The following AOAH variants were observed in gnomAD, a reference collection of about 807,000 sequenced individuals.
The protein encoded by AOAH is acyloxyacyl hydrolase (neutrophil).
AOAH carries 64 observed loss-of-function variants against 92.2 expected under a neutral mutation model. That is an observed-to-expected ratio of 0.69 (90% CI 0.57 to 0.86). The LOEUF (loss-of-function observed/expected upper bound fraction) is 0.86, where lower values mean the gene tolerates loss of function less well. AOAH is among the 40% of genes least tolerant of loss of function. AOAH has a pLI of 0.00. For missense variants in AOAH, 656 were observed against 694.6 expected (o/e 0.94, Z 0.62); for synonymous variants, 263 against 254.5 (o/e 1.03, Z -0.32).
intron 1 of AOAH, among the ~76,000 whole-genome samples, chr7:36,689,834 G>T (rs945126864): frequency 6.6e-6 from 1 of 152,188 alleles, no homozygotes; most frequent in Non-Finnish European, 1.5e-5. Flanking sequence ...TAATAGACTT[G>T]ATGAGATGCA....
At chr7:36,721,160 C>T (rs1388248994) in intron 1 of AOAH, among the ~76,000 whole-genome samples, 3 of 152,164 alleles carry the variant, frequency 2.0e-5, no homozygotes, top group Non-Finnish European at 4.4e-5. Flanking sequence ...GAGTCCCTTG[C>T]CAGAACTGTC....
chr7:36,669,944 G>C (rs1034523114), intron 3 of AOAH, among the ~76,000 whole-genome samples: 5 of 152,202 alleles, frequency 3.3e-5, no homozygotes, highest in South Asian at 4.1e-4. Context: ...ATGGCGGTCT[G>C]AGACACACAG....
intron 15 of AOAH, among the ~76,000 whole-genome samples, chr7:36,547,114 G>C (rs1785858316): frequency 1.3e-5 from 2 of 152,182 alleles, no homozygotes; most frequent in African/African-American, 4.8e-5. Flanking sequence ...TTGCCTCTTA[G>C]GGCTGCTGGG....
At chr7:36,708,293 C>T (rs1435778825) in intron 1 of AOAH, among the ~76,000 whole-genome samples, 1 of 152,086 alleles carries the variant, frequency 6.6e-6, no homozygotes, top group Non-Finnish European at 1.5e-5. Context: ...TTTAGGTTCA[C>T]TGATTCTTTC....
At chr7:36,647,752 T>C (rs932380764) in intron 4 of AOAH, among the ~76,000 whole-genome samples, 2 of 151,986 alleles carry the variant, frequency 1.3e-5, no homozygotes, top group Non-Finnish European at 1.5e-5. Flanking sequence ...GGCAAGATCA[T>C]GTGAAATGCT....
At chr7:36,638,438 T>A (rs1793674279) in intron 4 of AOAH, among the ~76,000 whole-genome samples, 1 of 152,224 alleles carries the variant, frequency 6.6e-6, no homozygotes, top group South Asian at 2.1e-4. Context: ...GTTGGAGATC[T>A]CCTGTCCTCT....
intron 1 of AOAH, among the ~76,000 whole-genome samples, chr7:36,706,359 G>A (rs10276761): frequency 0.015 from 2,310 of 152,176 alleles, 29 homozygotes; most frequent in Non-Finnish European, 0.021. Context: ...TGAGCAGTAG[G>A]TCTCCACAGT....
chr7:36,576,817 T>C (rs2116638577), intron 12 of AOAH, among the ~76,000 whole-genome samples, 161 bp from the exon 13 acceptor site: 1 of 152,302 alleles, frequency 6.6e-6, no homozygotes, highest in Non-Finnish European at 1.5e-5. Flanking sequence ...AATGTAATAT[T>C]GGCAGTTGTT....
rs749148854 is a variant in AOAH at position 36,530,480 on chromosome 7, A to AT, written c.1459dup (p.Ile487AsnfsTer5). On this transcript the variant is annotated frameshift_variant, in exon 19 of 21. Transcript: ENST00000617537. LOFTEE classifies it high-confidence loss of function. ...GTTTGTAAATTTCTCACTGGCTGCA[A>AT]TTTTTTTCAGTGTGTTGGAGAGTTG... The AT allele has an allele frequency of 6.8e-5, 109 of 1,613,682 alleles. 1 individual carries two copies. Among genetic ancestry groups the AT allele is most frequent in the Non-Finnish European group, 9.3e-6 (11 of 1,179,728 alleles).
chr7:36,603,225 C>T (rs1051220418), intron 11 of AOAH, among the ~76,000 whole-genome samples: 4 of 152,046 alleles, frequency 2.6e-5, no homozygotes, highest in African/African-American at 9.7e-5. Context: ...CAATGTCATC[C>T]TCCACCACAA....
chr7:36,614,321 C>T lies in AOAH; in HGVS notation c.846+2059G>A, dbSNP rs868084764. ...TATTCCCTGTGCAGTGCATCAGACC[C>T]GGGCAGGGCTTTATGTGTGTGCAAC... On this transcript the variant is annotated intron_variant, in intron 11 of 20. Transcript: ENST00000617537. This position sits in a 1 kb window ranked among gnomAD's most constrained non-coding sequence, Gnocchi z 4.2. 6.6e-6 allele frequency among the ~76,000 whole-genome samples: 1 copy of T among 152,106 alleles called. No individual in the cohort carries two copies. Among genetic ancestry groups the T allele is most frequent in the Non-Finnish European group, 1.5e-5 (1 of 68,036 alleles).
At chr7:36,700,272 A>G (rs1239234770) in intron 1 of AOAH, among the ~76,000 whole-genome samples, 1 of 152,046 alleles carries the variant, frequency 6.6e-6, no homozygotes, top group Non-Finnish European at 1.5e-5. Flanking sequence ...TCGTGTAACC[A>G]TCACCCAAAT....
chr7:36,554,412 T>A (rs1786526288), intron 13 of AOAH, among the ~76,000 whole-genome samples: 1 of 152,214 alleles, frequency 6.6e-6, no homozygotes, highest in Non-Finnish European at 1.5e-5. Flanking sequence ...TGAAGTCAGG[T>A]AGCATGATGC....
intron 17 of AOAH, 31 bp downstream of exon 17, chr7:36,532,255 C>G (rs186914603): frequency 2.5e-6 from 4 of 1,614,080 alleles, no homozygotes; most frequent in Non-Finnish European, 2.5e-6. Flanking sequence ...GGTAGGTAAG[C>G]GGGCCTTGAA....
intron 1 of AOAH, among the ~76,000 whole-genome samples, chr7:36,700,013 G>A (rs1313062673): frequency 6.6e-6 from 1 of 152,036 alleles, no homozygotes; most frequent in East Asian, 1.9e-4. Flanking sequence ...TCTTATGCAC[G>A]TGGCTATCCA....
chr7:36,550,658 C>T (rs1461425905), intron 13 of AOAH, among the ~76,000 whole-genome samples: 1 of 152,206 alleles, frequency 6.6e-6, no homozygotes, highest in Non-Finnish European at 1.5e-5. Context: ...AGTGTACTGT[C>T]TTTTTGTCCC....
Position 36,522,128 on chromosome 7 carries a change from TA to T in AOAH, c.1523-14del, listed in dbSNP as rs756133934. 6.2e-7 allele frequency: 1 copy of T among 1,613,466 alleles called. No homozygotes were observed. Among genetic ancestry groups the T allele is most frequent in the Non-Finnish European group, 8.5e-7 (1 of 1,179,596 alleles). Reference sequence around the variant, plus strand: ...CACTCCTGTATGACTGCAGGGCACATAACGAGAGGGTTACAGACACACTTGC... The same window carrying T: ...CACTCCTGTATGACTGCAGGGCACATACGAGAGGGTTACAGACACACTTGC... On this transcript the variant is annotated splice_polypyrimidine_tract_variant and intron_variant, in intron 19 of 20. Transcript: ENST00000617537.
chr7:36,672,050 G>T (rs1562681193), intron 3 of AOAH, among the ~76,000 whole-genome samples: 1 of 152,188 alleles, frequency 6.6e-6, no homozygotes, highest in Non-Finnish European at 1.5e-5. Flanking sequence ...TGTAGGCCTG[G>T]AGTCCTGTTA....
intron 19 of AOAH, among the ~76,000 whole-genome samples, chr7:36,528,239 T>C (rs1444360604): frequency 6.6e-6 from 1 of 152,248 alleles, no homozygotes; most frequent in Non-Finnish European, 1.5e-5. Flanking sequence ...CCTTGAACTG[T>C]TGATGGGAAT....
Sources: allele counts gnomAD v4.1 joint callset (sites outside exome capture counted in the v4.1 genomes callset), GRCh38; gene constraint gnomAD v4.1.1; non-coding constraint Gnocchi (gnomAD v3.1); transcripts MANE v1.5; gene names NCBI Gene and HGNC (gene_info 2026-07-23, HGNC 2026-07-21).